Variants in ADAMTS14 observed in about 807,000 individuals in gnomAD.
ADAMTS14 encodes the protein A disintegrin and metalloproteinase with thrombospondin motifs 14.
ADAMTS14 carries 100 observed loss-of-function variants against 128.6 expected under a neutral mutation model. The ratio of observed to expected loss-of-function variants is 0.78; its 90% CI spans 0.66 to 0.92. ADAMTS14 has a LOEUF of 0.92. ADAMTS14 is among the 40% of genes least tolerant of loss of function. ADAMTS14 has a pLI of 0.00. For synonymous variants in ADAMTS14, 665 were observed against 653.8 expected (o/e 1.02, Z -0.26); for missense variants, 1,562 against 1,658.6 (o/e 0.94, Z 1.01).
At chr10:70,711,103 C>T (rs932595731) in intron 4 of ADAMTS14, among the ~76,000 whole-genome samples, 2 of 152,160 alleles carry the variant, frequency 1.3e-5, no homozygotes, top group African/African-American at 4.8e-5. Flanking sequence ...TAATTTCTTT[C>T]GTGGGTCAAA....
intron 3 of ADAMTS14, among the ~76,000 whole-genome samples, chr10:70,707,395 G>C (rs1199817608): frequency 6.6e-6 from 1 of 152,196 alleles, no homozygotes; most frequent in Non-Finnish European, 1.5e-5. Flanking sequence ...AATGGTATGA[G>C]TATCAAAGCT....
chr10:70,684,759 C>T (rs1437850376), intron 2 of ADAMTS14, among the ~76,000 whole-genome samples: 1 of 152,218 alleles, frequency 6.6e-6, no homozygotes, highest in Non-Finnish European at 1.5e-5. Flanking sequence ...GCTCTCTGGG[C>T]GCCCATGCCA....
In ADAMTS14 at chr10:70,732,301, C is replaced by T. The variant is rs1356153623; in HGVS notation, c.1150C>T (p.Leu384Phe). ...GMCHPLRSCA[L>F]NHEDGFSSAF... ...GTGTCACCCCCTGAGGAGCTGTGCC[C>T]TCAACCATGAGGATGGCTTCTCCTC... Residue 384 changes from leucine (L) to phenylalanine (F), a missense_variant, in exon 7 of 22, where the codon CTC (leucine) becomes TTC (phenylalanine). Leu to Phe is a conservative substitution (Grantham distance 22, BLOSUM62 0). Transcript: ENST00000373207. 2 of 1,614,220 alleles carry T rather than the reference C, an allele frequency of 1.2e-6. No individual in the cohort carries two copies. The highest frequency in any genetic ancestry group is 3.3e-5 in the Admixed American group (2 of 60,028).
At chr10:70,684,732 C>T (rs947601196) in intron 2 of ADAMTS14, among the ~76,000 whole-genome samples, 31 of 152,270 alleles carry the variant, frequency 2.0e-4, no homozygotes, top group African/African-American at 7.2e-4. Context: ...GCAGGATCCA[C>T]AGCAGGTTTG....
At chr10:70,745,056 C>T (rs1228377888) in intron 14 of ADAMTS14, among the ~76,000 whole-genome samples, 170 bp from the exon 15 acceptor site, 1 of 152,172 alleles carries the variant, frequency 6.6e-6, no homozygotes, top group Non-Finnish European at 1.5e-5. Flanking sequence ...CTCCCAGCAC[C>T]CTCATGGAGA....
At chr10:70,728,399 A>G (rs1037969742) in intron 4 of ADAMTS14, among the ~76,000 whole-genome samples, 1 of 152,154 alleles carries the variant, frequency 6.6e-6, no homozygotes, top group Non-Finnish European at 1.5e-5. Flanking sequence ...TTCAGTTTTT[A>G]TTTCTAGTGA....
intron 2 of ADAMTS14, among the ~76,000 whole-genome samples, chr10:70,693,608 T>C (rs1840251256): frequency 6.6e-6 from 1 of 152,238 alleles, no homozygotes; most frequent in Admixed American, 6.5e-5. Context: ...CAAGATTACA[T>C]GATCTGAGAG....
chr10:70,760,440 C>T lies in ADAMTS14; in HGVS notation c.3259C>T (p.Arg1087Trp), dbSNP rs144598695. Residue 1087 changes from arginine (R) to tryptophan (W), a missense_variant, in exon 22 of 22, where the codon CGG becomes TGG. By Grantham distance (101) the Arg-to-Trp change is moderately radical. Coordinates refer to ENST00000373207, the MANE Select transcript of ADAMTS14 (RefSeq NM_080722.4). ...DRYCSIPGYH[R>W]LCCVSCIKKA... The stretch of plus-strand genomic sequence containing the variant: ...CTACTGCTCCATTCCCGGCTACCAC[C>T]GGCTCTGCTGTGTGTCCTGCATCAA... 47 of 1,613,312 alleles carry T rather than the reference C, an allele frequency of 2.9e-5. No homozygotes were observed. The highest frequency in any genetic ancestry group is 1.6e-4 in the Middle Eastern group (1 of 6,082).
At position 70,751,475 on chromosome 10, in the gene ADAMTS14, C is replaced by T. The variant is rs767996459; in HGVS notation, c.2428-3C>T. On this transcript the variant is annotated splice_polypyrimidine_tract_variant and splice_region_variant and intron_variant, in intron 16 of 21. Transcript: ENST00000373207. ...CCTGTGCCAGCTCCCCATCTCCCCT[C>T]AGGCTCTCCCCCCAACTGAGGGTGG... The T allele has an allele frequency of 6.2e-7, 1 of 1,600,142 alleles. No individual in the cohort carries two copies. The highest frequency in any genetic ancestry group is 8.6e-7 in the Non-Finnish European group (1 of 1,168,408).
At chr10:70,733,413 C>G (rs758792914) in intron 7 of ADAMTS14, among the ~76,000 whole-genome samples, 2 of 152,234 alleles carry the variant, frequency 1.3e-5, no homozygotes, top group Non-Finnish European at 2.9e-5. Flanking sequence ...CAGGCGCTGA[C>G]AGGGGCTCAA....
intron 3 of ADAMTS14, among the ~76,000 whole-genome samples, chr10:70,707,451 G>A (rs1348912806): frequency 6.6e-6 from 1 of 152,138 alleles, no homozygotes; most frequent in East Asian, 1.9e-4. Context: ...AGGCTCTGGA[G>A]CCTTCTTGAC....
At chr10:70,698,157 T>A (rs960900456) in intron 2 of ADAMTS14, among the ~76,000 whole-genome samples, 1 of 152,248 alleles carries the variant, frequency 6.6e-6, no homozygotes, top group African/African-American at 2.4e-5. Flanking sequence ...GTTTACTGTT[T>A]GTAAAAGAAT....
At chr10:70,742,210 C>T (rs376025284) in intron 12 of ADAMTS14, among the ~76,000 whole-genome samples, 1 of 152,136 alleles carries the variant, frequency 6.6e-6, no homozygotes, top group Non-Finnish European at 1.5e-5. Context: ...CTGTTGCTGC[C>T]CAGAGAGCTT....
intron 11 of ADAMTS14, 89 bp downstream of exon 11, chr10:70,739,079 A>G: frequency 6.9e-7 from 1 of 1,449,600 alleles, no homozygotes; most frequent in Non-Finnish European, 9.2e-7. Context: ...GAGACAGTGC[A>G]GGAGAGAAGG....
chr10:70,673,599 G>A (rs1296015731), intron 1 of ADAMTS14, among the ~76,000 whole-genome samples: 1 of 152,168 alleles, frequency 6.6e-6, no homozygotes, highest in Non-Finnish European at 1.5e-5. Flanking sequence ...CAGTCTTAGG[G>A]GTCCTCTGCT....
chr10:70,736,753 A>G lies in ADAMTS14; in HGVS notation c.1559A>G (p.Lys520Arg). Residue 520 changes from lysine to arginine, a missense_variant, in exon 10 of 22, where the codon AAG becomes AGG. By Grantham distance (26) the Lys-to-Arg change is conservative. Coordinates refer to ENST00000373207, the MANE Select transcript of ADAMTS14 (RefSeq NM_080722.4). ...PDNPYFCKTK[K>R]GPPLDGTECA... ...AACCCGTACTTCTGCAAGACCAAGA[A>G]GGGGCCCCCGCTGGATGGGACTGAG... The G allele has an allele frequency of 1.2e-6, 2 of 1,613,746 alleles. No homozygotes were observed. The highest frequency in any genetic ancestry group is 1.1e-5 in the South Asian group (1 of 91,046).
At chr10:70,688,199 C>A (rs1840047457) in intron 2 of ADAMTS14, among the ~76,000 whole-genome samples, 1 of 47,652 alleles carries the variant, frequency 2.1e-5, no homozygotes, top group East Asian at 1.5e-3. Context: ...GGGGTCTCGG[C>A]CGGGCAGAGG....
intron 21 of ADAMTS14, 92 bp from the exon 22 acceptor site, chr10:70,760,268 C>A: frequency 1.4e-6 from 2 of 1,468,456 alleles, no homozygotes; most frequent in Non-Finnish European, 1.8e-6. Context: ...GGGTGGAGGG[C>A]GGGCAGTCAG....
chr10:70,695,013 C>G (rs1404877230), intron 2 of ADAMTS14, among the ~76,000 whole-genome samples: 1 of 152,200 alleles, frequency 6.6e-6, no homozygotes, highest in Non-Finnish European at 1.5e-5. Flanking sequence ...GTTCCAGTTT[C>G]TCCACATCCT....
Sources: gnomAD v4.1 joint callset for allele counts (sites outside exome capture counted in the v4.1 genomes callset) on GRCh38, gnomAD v4.1.1 for gene constraint, MANE v1.5 for transcripts, NCBI Gene and HGNC (gene_info 2026-07-23, HGNC 2026-07-21) for gene names.